ITCH: variants seen among roughly 807,000 people sequenced by gnomAD.
The protein encoded by ITCH is itchy E3 ubiquitin protein ligase.
ITCH carries 28 observed loss-of-function variants against 126.8 expected under a neutral mutation model. That is an observed-to-expected ratio of 0.22 (90% confidence interval 0.16 to 0.30). ITCH has a LOEUF of 0.30. Among genes scored for constraint, ITCH ranks in the 10% least tolerant of loss-of-function variants. The pLI is 1.00. For synonymous variants in ITCH, 342 were observed against 340.0 expected (o/e 1.01, Z -0.06); for missense variants, 631 against 1,032.4 (o/e 0.61, Z 5.33).
At chr20:34,415,428 C>T (rs1025065393) in intron 6 of ITCH, among the ~76,000 whole-genome samples, 12 of 152,004 alleles carry the variant, frequency 7.9e-5, no homozygotes, top group African/African-American at 2.4e-4. Flanking sequence ...GTGTGTGGCA[C>T]GTGCCTGTAG....
At chr20:34,497,426 A>G (rs1432064241) in intron 23 of ITCH, among the ~76,000 whole-genome samples, 4 of 152,180 alleles carry the variant, frequency 2.6e-5, no homozygotes, top group Non-Finnish European at 5.9e-5. Context: ...ATTGGTTACT[A>G]TAGCTTTGTT....
At chr20:34,364,724 C>CAAAAAAA (rs1171765663) in intron 1 of ITCH, among the ~76,000 whole-genome samples, 5 of 45,572 alleles carry the variant, frequency 1.1e-4, no homozygotes, top group South Asian at 9.9e-4. Flanking sequence ...ACTAAAAATA[C>CAAAAAAA]AAAAAAAAAA....
intron 7 of ITCH, among the ~76,000 whole-genome samples, chr20:34,427,436 A>AAAC (rs1413719606): frequency 2.0e-5 from 3 of 152,044 alleles, no homozygotes; most frequent in Non-Finnish European, 2.9e-5. Flanking sequence ...AAACAAAACA[A>AAAC]AACAGAAAAA....
At chr20:34,483,600 G>T (rs1041436321) in intron 20 of ITCH, among the ~76,000 whole-genome samples, 1 of 152,144 alleles carries the variant, frequency 6.6e-6, no homozygotes, top group Non-Finnish European at 1.5e-5. Flanking sequence ...ACCTCAGCCT[G>T]GACTTTATTG....
At chr20:34,487,417 T>A (rs1209251434) in intron 20 of ITCH, among the ~76,000 whole-genome samples, 1 of 152,238 alleles carries the variant, frequency 6.6e-6, no homozygotes. Context: ...TAACCATTGC[T>A]ATTTGTTTTG....
At chr20:34,504,090 A>G (rs1333122171) in intron 23 of ITCH, among the ~76,000 whole-genome samples, 1 of 151,920 alleles carries the variant, frequency 6.6e-6, no homozygotes, top group Non-Finnish European at 1.5e-5. Flanking sequence ...CATATTGGCC[A>G]GGCTGATCTT....
intron 3 of ITCH, among the ~76,000 whole-genome samples, chr20:34,405,141 CAAAAAAA>C (rs1170286039): frequency 1.7e-5 from 1 of 58,236 alleles, no homozygotes; most frequent in South Asian, 8.3e-4. Context: ...GACCCTGTCT[CAAAAAAA>C]AAAAAAAAAA....
At chr20:34,464,876 A>G (rs1238409597) in intron 14 of ITCH, among the ~76,000 whole-genome samples, 1 of 151,574 alleles carries the variant, frequency 6.6e-6, no homozygotes, top group East Asian at 1.9e-4. Context: ...ACGCCTGGCT[A>G]ATTTTCGTAT....
At chr20:34,495,285 AATAAAT>A (rs1216218039) in intron 23 of ITCH, among the ~76,000 whole-genome samples, 10 of 51,278 alleles carry the variant, frequency 2.0e-4, no homozygotes, top group Middle Eastern at 0.011. Context: ...TAAATAAATA[AATAAAT>A]AAAATATATA....
chr20:34,435,050 T>G (rs1278416539), intron 7 of ITCH, among the ~76,000 whole-genome samples: 3 of 152,206 alleles, frequency 2.0e-5, no homozygotes, highest in Admixed American at 2.0e-4. Context: ...TTAATTTTAA[T>G]ACCAGCACAC....
At chr20:34,460,179 TTTGTTG>T (rs11467826) in intron 13 of ITCH, among the ~76,000 whole-genome samples, 8 of 150,502 alleles carry the variant, frequency 5.3e-5, no homozygotes, top group South Asian at 2.1e-4. Flanking sequence ...TGAATACAGG[TTTGTTG>T]TTGTTGTTGT....
intron 2 of ITCH, among the ~76,000 whole-genome samples, chr20:34,376,282 A>T (rs1053172651): frequency 2.6e-4 from 39 of 151,942 alleles, no homozygotes; most frequent in Non-Finnish European, 4.0e-4. Context: ...CCTCATAAAA[A>T]TCAGCCAGGC....
At chr20:34,418,341 G>A (rs1283371090) in intron 6 of ITCH, among the ~76,000 whole-genome samples, 2 of 152,068 alleles carry the variant, frequency 1.3e-5, no homozygotes, top group East Asian at 1.9e-4. Context: ...TACTCTGGAT[G>A]TGTTTAAAAT....
chr20:34,503,585 T>TTAAA (rs1990398173), intron 23 of ITCH, among the ~76,000 whole-genome samples: 1 of 152,246 alleles, frequency 6.6e-6, no homozygotes, highest in Non-Finnish European at 1.5e-5. Context: ...TCAAGTTTTA[T>TTAAA]TGTAGTTTCG....
At position 34,507,281 on chromosome 20, in the gene ITCH, T is replaced by G. The variant is rs927757174; in HGVS notation, c.2490-414T>G. ...TTCTTCTGTTTTTTTTTTTTTTTTTTTTTTTTTTGGTTGTTGTTGTTGTTG... is the reference window on the plus strand; with the variant it reads ...TTCTTCTGTTTTTTTTTTTTTTTTTGTTTTTTTTGGTTGTTGTTGTTGTTG... On this transcript the variant is annotated intron_variant, in intron 24 of 24. Transcript: ENST00000374864. Among the ~76,000 whole-genome samples the G allele has an allele frequency of 1.3e-3, 124 of 93,632 alleles. 1 individual carries two copies. Among genetic ancestry groups the G allele is most frequent in the African/African-American group, 3.1e-3 (82 of 26,720 alleles). The allele number at this position is 93,632 out of a possible 152,430, so 61.4% of individuals were successfully genotyped here.
chr20:34,370,368 A>G (rs2037575818), intron 2 of ITCH, among the ~76,000 whole-genome samples: 1 of 152,112 alleles, frequency 6.6e-6, no homozygotes, highest in African/African-American at 2.4e-5. Flanking sequence ...ATGACTTAAA[A>G]TGTTATCTTG....
At chr20:34,429,427 C>G (rs1449106386) in intron 7 of ITCH, among the ~76,000 whole-genome samples, 1 of 152,154 alleles carries the variant, frequency 6.6e-6, no homozygotes, top group African/African-American at 2.4e-5. Flanking sequence ...CCCTGCTTCT[C>G]AAACTTTAGA....
chr20:34,506,969 TG>T (rs1353114431), intron 24 of ITCH, among the ~76,000 whole-genome samples: 1 of 152,240 alleles, frequency 6.6e-6, no homozygotes, highest in Non-Finnish European at 1.5e-5. Flanking sequence ...TACATTCATC[TG>T]TCCATGGACA....
At chr20:34,475,475 A>G (rs1360792778) in intron 16 of ITCH, among the ~76,000 whole-genome samples, 1 of 152,206 alleles carries the variant, frequency 6.6e-6, no homozygotes, top group Non-Finnish European at 1.5e-5. Context: ...CAACACATCG[A>G]AATCCCGTCT....
Sources: allele counts gnomAD v4.1 joint callset (sites outside exome capture counted in the v4.1 genomes callset), GRCh38; gene constraint gnomAD v4.1.1; transcripts MANE v1.5; gene names NCBI Gene and HGNC (gene_info 2026-07-23, HGNC 2026-07-21).